The following ANKRD55 variants were observed in gnomAD, a reference collection of about 807,000 sequenced individuals.
ANKRD55 encodes ankyrin repeat domain 55.
Under a neutral mutation model 60.6 loss-of-function variants are expected in ANKRD55, and 41 were observed. The ratio of observed to expected loss-of-function variants is 0.68; its 90% CI spans 0.53 to 0.88. The LOEUF is 0.88. Among genes scored for constraint, ANKRD55 ranks in the 40% least tolerant of loss-of-function variants. ANKRD55 has a pLI of 0.00. For synonymous variants in ANKRD55, 264 were observed against 290.3 expected, an observed-to-expected ratio of 0.91 and a Z score of 0.92; for missense variants, 732 against 767.6, an observed-to-expected ratio of 0.95 and a Z score of 0.55.
intron 11 of ANKRD55, among the ~76,000 whole-genome samples, chr5:56,100,776 A>G (rs759924212): frequency 3.9e-4 from 59 of 152,154 alleles, no homozygotes; most frequent in Non-Finnish European, 7.4e-4. Context: ...CTCTCCTGAA[A>G]CTTAACTGTG....
At chr5:56,108,839 C>A (rs1311442667) in intron 10 of ANKRD55, among the ~76,000 whole-genome samples, 1 of 152,162 alleles carries the variant, frequency 6.6e-6, no homozygotes, top group Non-Finnish European at 1.5e-5. Flanking sequence ...GAGTTCGAGA[C>A]CAGCCTGGCC....
At chr5:56,158,279 A>G (rs189872389) in intron 6 of ANKRD55, among the ~76,000 whole-genome samples, 1 of 152,268 alleles carries the variant, frequency 6.6e-6, no homozygotes, top group East Asian at 1.9e-4. Context: ...AGCTTCCTTG[A>G]AAATAATGTA....
chr5:56,135,288 C>CTTTCT lies in ANKRD55; in HGVS notation c.613-8183_613-8182insAGAAA, dbSNP rs1561263938. 4.3e-5 allele frequency among the ~76,000 whole-genome samples: 4 copies of CTTTCT among 93,044 alleles called. No homozygotes were observed. In the East Asian group the frequency reaches 1.0e-3, roughly 24 times the overall value. The allele number at this position is 93,044 out of a possible 152,430, so 61.0% of individuals were successfully genotyped here. ...TTTCCCTCCCTCCCTCCCTGCCTGCCTGCTTGCTTTCTTTCTTTCTTTCTT... is the reference window on the plus strand; with the variant it reads ...TTTCCCTCCCTCCCTCCCTGCCTGCCTTTCTTGCTTGCTTTCTTTCTTTCTTTCTT... On this transcript the variant is annotated intron_variant, in intron 7 of 11. Transcript: ENST00000341048.
intron 6 of ANKRD55, among the ~76,000 whole-genome samples, chr5:56,159,415 G>A (rs756045698): frequency 4.0e-5 from 6 of 151,642 alleles, no homozygotes; most frequent in Non-Finnish European, 7.4e-5. Context: ...GAGCCAAGAC[G>A]GTGCCACTGC....
chr5:56,176,188 A>C lies in ANKRD55; in HGVS notation c.276T>G (p.Ala92=). Residue 92 remains alanine, a synonymous_variant, in exon 4 of 12, where the codon GCT becomes GCG. Coordinates refer to ENST00000341048, the MANE Select transcript of ANKRD55 (RefSeq NM_024669.3). ...CCAGGCATAAACTTGTGCGGCCATA[A>C]GCATCCTGCATGTTAATATTGGCTC... ...KMGANINMQD[A]YGRTSLCLAT... 1 of 1,614,180 alleles carries C rather than the reference A, an allele frequency of 6.2e-7. No individual in the cohort carries two copies. Among genetic ancestry groups the C allele is most frequent in the African/African-American group, 1.3e-5 (1 of 75,042 alleles).
intron 11 of ANKRD55, among the ~76,000 whole-genome samples, chr5:56,101,207 A>G (rs536423633): frequency 4.6e-5 from 7 of 152,338 alleles, no homozygotes; most frequent in South Asian, 2.1e-4. Context: ...TACTGGATAT[A>G]TACTCTATGC....
At chr5:56,228,973 G>A (rs1462988050) in intron 2 of ANKRD55, among the ~76,000 whole-genome samples, 3 of 152,046 alleles carry the variant, frequency 2.0e-5, no homozygotes, top group Admixed American at 6.5e-5. Flanking sequence ...GCTCAGCCTC[G>A]TCAGGCATAT....
At chr5:56,182,981 C>G (rs577505542) in intron 3 of ANKRD55, among the ~76,000 whole-genome samples, 19 of 152,260 alleles carry the variant, frequency 1.2e-4, no homozygotes, top group Non-Finnish European at 2.4e-4. Context: ...GTTGACATTT[C>G]TGGGTTGCCA....
intron 2 of ANKRD55, among the ~76,000 whole-genome samples, chr5:56,205,385 A>C (rs1167979302): frequency 6.6e-6 from 1 of 152,178 alleles, no homozygotes; most frequent in Non-Finnish European, 1.5e-5. Context: ...GTAAATCCAC[A>C]GGGAAGAACT....
At chr5:56,159,591 TA>T (rs1206973017) in intron 6 of ANKRD55, among the ~76,000 whole-genome samples, 4 of 152,234 alleles carry the variant, frequency 2.6e-5, no homozygotes, top group Non-Finnish European at 5.9e-5. Flanking sequence ...AGTCGTATGA[TA>T]AATGCTGAAG....
Position 56,233,317 on chromosome 5 carries a change from C to A in ANKRD55, c.-110G>T. 1 of 228,380 alleles carries A rather than the reference C, an allele frequency of 4.4e-6. No individual in the cohort carries two copies. Among genetic ancestry groups the A allele is most frequent in the Non-Finnish European group, 8.7e-6 (1 of 114,462 alleles). 14.1% of individuals were successfully genotyped at this position (228,380 alleles called of 1,614,324 possible). ...AATGTCGCTTTACACCAACAGAAAT[C>A]TGAATGGGTGAGTGAGGATTCACAG... On this transcript the variant is annotated 5_prime_UTR_variant, in exon 1 of 12. Coordinates refer to ENST00000341048, the MANE Select transcript of ANKRD55 (RefSeq NM_024669.3).
chr5:56,222,876 A>T (rs912910611), intron 2 of ANKRD55, among the ~76,000 whole-genome samples: 1 of 152,236 alleles, frequency 6.6e-6, no homozygotes, highest in Admixed American at 6.5e-5. Context: ...TCTACGTCTG[A>T]TTGGTGTACC....
At chr5:56,133,076 C>T (rs1757467422) in intron 7 of ANKRD55, among the ~76,000 whole-genome samples, 1 of 152,172 alleles carries the variant, frequency 6.6e-6, no homozygotes, top group African/African-American at 2.4e-5. Flanking sequence ...TTGAAGACTT[C>T]AACATCCCTC....
chr5:56,191,687 T>C (rs1253167196), intron 2 of ANKRD55, among the ~76,000 whole-genome samples: 1 of 152,154 alleles, frequency 6.6e-6, no homozygotes, highest in Non-Finnish European at 1.5e-5. Flanking sequence ...ACCAAACCTG[T>C]TTAGAAGGAA....
chr5:56,219,268 G>A (rs1438377128), intron 2 of ANKRD55, among the ~76,000 whole-genome samples: 27 of 93,006 alleles, frequency 2.9e-4, no homozygotes, highest in African/African-American at 1.2e-3. Context: ...GCAAGACTCT[G>A]CCTCCAAAAA....
chr5:56,196,975 A>G (rs1367205363), intron 2 of ANKRD55, among the ~76,000 whole-genome samples: 1 of 152,196 alleles, frequency 6.6e-6, no homozygotes, highest in Non-Finnish European at 1.5e-5. Flanking sequence ...ATACTCTAGG[A>G]GCAGGGGCAG....
intron 3 of ANKRD55, among the ~76,000 whole-genome samples, chr5:56,180,375 C>CA (rs1035812517): frequency 6.6e-6 from 1 of 152,182 alleles, no homozygotes; most frequent in African/African-American, 2.4e-5. Flanking sequence ...TATTCTTTTT[C>CA]AAAATTGTTT....
At chr5:56,104,912 A>G (rs1033392447) in intron 10 of ANKRD55, among the ~76,000 whole-genome samples, 5 of 152,132 alleles carry the variant, frequency 3.3e-5, no homozygotes, top group African/African-American at 9.7e-5. Flanking sequence ...CTGGGATCCC[A>G]TAGACCTTGT....
chr5:56,167,441 T>C (rs1758510022), intron 5 of ANKRD55, among the ~76,000 whole-genome samples: 2 of 152,234 alleles, frequency 1.3e-5, no homozygotes, highest in African/African-American at 4.8e-5. Context: ...TTAACTGAAA[T>C]GTCATTATGC....
Sources: allele counts gnomAD v4.1 joint callset (sites outside exome capture counted in the v4.1 genomes callset), GRCh38; gene constraint gnomAD v4.1.1; transcripts MANE v1.5; gene names NCBI Gene and HGNC (gene_info 2026-07-23, HGNC 2026-07-21).